DLGAP2: variants seen among roughly 807,000 people sequenced by gnomAD.
The protein encoded by DLGAP2 is DLG associated protein 2, also known as disks large-associated protein 2.
Under a neutral mutation model 100.3 loss-of-function variants are expected in DLGAP2, and 26 were observed. That is an observed-to-expected ratio of 0.26 (90% CI 0.19 to 0.36). DLGAP2 has a LOEUF of 0.36. Among genes scored for constraint, DLGAP2 ranks in the 10% least tolerant of loss-of-function variants. The pLI, the probability that DLGAP2 is intolerant of heterozygous loss-of-function variation, is 1.00. For synonymous variants in DLGAP2, 886 were observed against 630.1 expected (o/e 1.41, Z -6.08); for missense variants, 1,858 against 1,453.2 (o/e 1.28, Z -4.53).
chr8:1,269,875 C>T (rs1236589699), intron 3 of DLGAP2, among the ~76,000 whole-genome samples: 1 of 152,190 alleles, frequency 6.6e-6, no homozygotes, highest in East Asian at 1.9e-4. Context: ...GGGAAACTCG[C>T]TGAGTGACTC....
intron 1 of DLGAP2, among the ~76,000 whole-genome samples, chr8:849,003 G>T (rs1199264380): frequency 6.6e-6 from 1 of 151,998 alleles, no homozygotes; most frequent in East Asian, 1.9e-4. Context: ...ATAGGATCGT[G>T]AGGTGCCTGT....
chr8:1,383,296 T>G (rs183141002), intron 3 of DLGAP2, among the ~76,000 whole-genome samples: 3 of 152,218 alleles, frequency 2.0e-5, no homozygotes, highest in Non-Finnish European at 4.4e-5. Flanking sequence ...TATTTCAAAT[T>G]CTCAAATATG....
At chr8:1,206,958 C>A (rs776558520) in intron 2 of DLGAP2, among the ~76,000 whole-genome samples, 10 of 152,164 alleles carry the variant, frequency 6.6e-5, no homozygotes, top group African/African-American at 2.2e-4. Flanking sequence ...GAGTGGACAC[C>A]GTCTCGGTGA....
In DLGAP2 at chr8:1,228,230, A is replaced by C. The variant is rs1302656230; in HGVS notation, c.74-30621A>C. Among the ~76,000 whole-genome samples the C allele has an allele frequency of 5.3e-5, 8 of 152,228 alleles. No individual in the cohort carries two copies. The South Asian group carries it at 8.3e-4, about 16-fold the overall frequency. On this transcript the variant is annotated intron_variant, in intron 2 of 14. Transcript: ENST00000637795. Reference sequence around the variant, plus strand: ...TACCCTAGAACTTAAAGTATAATAAAATAAAAATAAAAAAATACATAAATA... The same window carrying C: ...TACCCTAGAACTTAAAGTATAATAACATAAAAATAAAAAAATACATAAATA...
chr8:1,173,501 G>T (rs1363579451), intron 2 of DLGAP2, among the ~76,000 whole-genome samples: 1 of 152,204 alleles, frequency 6.6e-6, no homozygotes, highest in Non-Finnish European at 1.5e-5. Context: ...GCCTACAGAG[G>T]CAGGCAGGCC....
intron 4 of DLGAP2, among the ~76,000 whole-genome samples, chr8:1,524,120 G>A (rs915061365): frequency 6.6e-6 from 1 of 152,158 alleles, no homozygotes; most frequent in African/African-American, 2.4e-5. Flanking sequence ...ATCCCCAGAC[G>A]GGGCTGGCCT....
At chr8:1,244,507 G>A (rs1798864629) in intron 2 of DLGAP2, among the ~76,000 whole-genome samples, 1 of 152,200 alleles carries the variant, frequency 6.6e-6, no homozygotes, top group African/African-American at 2.4e-5. Flanking sequence ...GCTTGAGGCT[G>A]CCTCACCAAA....
intron 2 of DLGAP2, among the ~76,000 whole-genome samples, chr8:1,244,954 G>A (rs1387790961): frequency 6.6e-6 from 1 of 152,168 alleles, no homozygotes; most frequent in African/African-American, 2.4e-5. Context: ...ATGGGCAGAG[G>A]GCATGAACAG....
intron 6 of DLGAP2, among the ~76,000 whole-genome samples, chr8:1,605,178 A>C (rs1054223325): frequency 1.3e-5 from 2 of 152,088 alleles, no homozygotes; most frequent in African/African-American, 4.8e-5. Flanking sequence ...TCCGTGACTT[A>C]CCCAGGTTCA....
chr8:1,157,855 C>G (rs1006612204), intron 2 of DLGAP2, among the ~76,000 whole-genome samples: 2 of 152,200 alleles, frequency 1.3e-5, no homozygotes. Flanking sequence ...AAGCATGTCC[C>G]AGGCGCTATC....
At chr8:1,209,909 A>G (rs1213322277) in intron 2 of DLGAP2, among the ~76,000 whole-genome samples, 1 of 152,146 alleles carries the variant, frequency 6.6e-6, no homozygotes, top group Non-Finnish European at 1.5e-5. Context: ...TCCCTGAGAA[A>G]CGGCGTGTCA....
At chr8:1,262,652 C>T (rs952050666) in intron 3 of DLGAP2, 1 of 152,122 alleles carries the variant, frequency 6.6e-6, no homozygotes, top group South Asian at 2.1e-4. Context: ...CTTAGTGATT[C>T]CTGTTACCTT....
chr8:1,032,865 A>G (rs1802013505), intron 2 of DLGAP2: 2 of 152,214 alleles, frequency 1.3e-5, no homozygotes, highest in South Asian at 2.1e-4. Context: ...GGACAAAAGA[A>G]TTGTTCACGG....
chr8:1,354,042 A>G (rs1354079500), intron 3 of DLGAP2, among the ~76,000 whole-genome samples: 1 of 152,182 alleles, frequency 6.6e-6, no homozygotes, highest in Non-Finnish European at 1.5e-5. Flanking sequence ...TTATAGAAGG[A>G]TGAATAGGTG....
At chr8:813,899 C>G (rs1796416711) in intron 1 of DLGAP2, among the ~76,000 whole-genome samples, 1 of 152,130 alleles carries the variant, frequency 6.6e-6, no homozygotes, top group Non-Finnish European at 1.5e-5. Context: ...AGCAGGACTC[C>G]TGTCTGCACT....
intron 1 of DLGAP2, among the ~76,000 whole-genome samples, chr8:774,376 G>T (rs1283410532): frequency 2.0e-5 from 3 of 152,088 alleles, no homozygotes; most frequent in Admixed American, 1.3e-4. Context: ...GTCAATTTTG[G>T]CTTTTGTTGC....
chr8:1,229,556 A>T (rs1820708437), intron 2 of DLGAP2, among the ~76,000 whole-genome samples: 1 of 152,000 alleles, frequency 6.6e-6, no homozygotes, highest in East Asian at 1.9e-4. Flanking sequence ...TTTCTGTGGG[A>T]TTAGGTGTAA....
intron 6 of DLGAP2, among the ~76,000 whole-genome samples, chr8:1,577,719 C>G (rs929994396): frequency 1.3e-5 from 2 of 152,114 alleles, no homozygotes; most frequent in Non-Finnish European, 2.9e-5. Context: ...AAGAGCAGCC[C>G]GGGGCCAGGG....
At chr8:1,028,650 G>A (rs1326383050) in intron 2 of DLGAP2, among the ~76,000 whole-genome samples, 3 of 152,242 alleles carry the variant, frequency 2.0e-5, no homozygotes, top group African/African-American at 4.8e-5. Context: ...GGATGCTCAC[G>A]GGGCTGGAGA....
Sources: gnomAD v4.1 joint callset for allele counts (sites outside exome capture counted in the v4.1 genomes callset) on GRCh38, gnomAD v4.1.1 for gene constraint, MANE v1.5 for transcripts, NCBI Gene and HGNC (gene_info 2026-07-23, HGNC 2026-07-21) for gene names.